Variants in GAPVD1 observed in about 807,000 individuals in gnomAD.
GAPVD1 encodes GTPase-activating protein and VPS9 domain-containing protein 1.
Under a neutral mutation model 155.5 loss-of-function variants are expected in GAPVD1, and 35 were observed. The ratio of observed to expected loss-of-function variants is 0.23; its 90% CI spans 0.17 to 0.30. GAPVD1 has a LOEUF of 0.30. GAPVD1 is among the 10% of genes least tolerant of loss of function. The pLI is 1.00. For synonymous variants in GAPVD1, 636 were observed against 619.7 expected (o/e 1.03, Z -0.39); for missense variants, 1,429 against 1,775.7 (o/e 0.80, Z 3.51).
chr9:125,277,431 G>A (rs1467446757), intron 2 of GAPVD1, among the ~76,000 whole-genome samples: 1 of 151,766 alleles, frequency 6.6e-6, no homozygotes, highest in Admixed American at 6.6e-5. Context: ...TGAAAGGAGT[G>A]GACACAGGGC....
Position 125,281,082 on chromosome 9 carries a change from A to G in GAPVD1, c.-150+12098A>G, listed in dbSNP as rs530322892. ...TTTGTGATCACAGTGAACTGAAAGA[A>G]AAAATATTTTTAGTGTGATAAACAC... On this transcript the variant is annotated intron_variant, in intron 2 of 27. Coordinates refer to ENST00000297933, the MANE Select transcript of GAPVD1 (RefSeq NM_001282680.3). Among the ~76,000 whole-genome samples, 11 of 152,284 alleles carry G rather than the reference A, an allele frequency of 7.2e-5. No homozygotes were observed. In the East Asian group the frequency reaches 1.7e-3, roughly 24 times the overall value.
chr9:125,325,366 C>G (rs1239938453), intron 11 of GAPVD1, among the ~76,000 whole-genome samples: 1 of 150,622 alleles, frequency 6.6e-6, no homozygotes, highest in Non-Finnish European at 1.5e-5. Context: ...ACTAAAAATA[C>G]AAAAAATTAG....
At chr9:125,313,638 T>C (rs1419562162) in intron 9 of GAPVD1, among the ~76,000 whole-genome samples, 2 of 152,086 alleles carry the variant, frequency 1.3e-5, no homozygotes, top group Non-Finnish European at 2.9e-5. Flanking sequence ...AGTGTCACTC[T>C]GTTGCACAGC....
intron 12 of GAPVD1, among the ~76,000 whole-genome samples, chr9:125,329,000 G>T (rs376079888): frequency 6.6e-6 from 1 of 151,594 alleles, no homozygotes. Context: ...GCGCGTGCCT[G>T]CAGTCGCAGG....
chr9:125,358,004 C>CAT (rs1407879233), intron 25 of GAPVD1, among the ~76,000 whole-genome samples: 12 of 151,908 alleles, frequency 7.9e-5, no homozygotes, highest in African/African-American at 2.9e-4. Flanking sequence ...CACACACACA[C>CAT]ACAAAACAAT....
Position 125,360,665 on chromosome 9 carries a change from T to C in GAPVD1, c.4182T>C (p.Asn1394=). 6.2e-7 allele frequency: 1 copy of C among 1,614,080 alleles called. No individual in the cohort carries two copies. Among genetic ancestry groups the C allele is most frequent in the Non-Finnish European group, 8.5e-7 (1 of 1,179,940 alleles). Residue 1394 remains asparagine (N), a synonymous_variant, in exon 27 of 28, where the codon AAT becomes AAC. Transcript: ENST00000297933. Reference sequence around the variant, plus strand: ...TTATGAACCTCCTGAGCCTGGCCAATGAGGACTCTGTCCCTGGAGCGGATG... The same window carrying C: ...TTATGAACCTCCTGAGCCTGGCCAACGAGGACTCTGTCCCTGGAGCGGATG... The part of the protein sequence containing the change: ...STIMNLLSLA[N]EDSVPGADDF...
chr9:125,334,238 A>G (rs1377240711), intron 15 of GAPVD1, among the ~76,000 whole-genome samples: 7 of 151,714 alleles, frequency 4.6e-5, no homozygotes, highest in Non-Finnish European at 1.0e-4. Context: ...AGCAGGATGC[A>G]AGGGCACCAC....
At chr9:125,305,834 T>C (rs1260930826) in intron 6 of GAPVD1, among the ~76,000 whole-genome samples, 2 of 151,954 alleles carry the variant, frequency 1.3e-5, no homozygotes, top group Non-Finnish European at 2.9e-5. Flanking sequence ...TTTTTATTGT[T>C]ATAGAGACGA....
intron 5 of GAPVD1, among the ~76,000 whole-genome samples, 158 bp from the exon 6 acceptor site, chr9:125,304,905 T>C (rs1841529847): frequency 6.6e-6 from 1 of 152,204 alleles, no homozygotes; most frequent in African/African-American, 2.4e-5. Context: ...AAGGTACACA[T>C]TTTTTGGGGG....
chr9:125,306,185 C>A (rs896696082), intron 6 of GAPVD1, among the ~76,000 whole-genome samples: 4 of 151,462 alleles, frequency 2.6e-5, no homozygotes, highest in African/African-American at 4.9e-5. Context: ...CTTCTTGTCA[C>A]AGAGGTTCGC....
chr9:125,281,967 C>T (rs1836859243), intron 2 of GAPVD1, among the ~76,000 whole-genome samples: 2 of 152,018 alleles, frequency 1.3e-5, no homozygotes, highest in Admixed American at 1.3e-4. Context: ...ACAATAGGCA[C>T]CTGCCGCTAC....
At chr9:125,346,585 T>C in intron 19 of GAPVD1, 1 of 556,572 alleles carries the variant, frequency 1.8e-6, no homozygotes, top group Non-Finnish European at 3.3e-6. Context: ...ACTGTCATTC[T>C]GGTGATGATG....
At chr9:125,285,559 A>G (rs1837542435) in intron 2 of GAPVD1, among the ~76,000 whole-genome samples, 1 of 140,640 alleles carries the variant, frequency 7.1e-6, no homozygotes, top group African/African-American at 2.7e-5. Context: ...TTCTGGGTTC[A>G]AGTGGTTCTC....
intron 19 of GAPVD1, chr9:125,345,835 C>T (rs543850525): frequency 6.6e-6 from 1 of 152,220 alleles, no homozygotes; most frequent in South Asian, 2.1e-4. Context: ...AACACACACA[C>T]ACAAAATACG....
intron 9 of GAPVD1, among the ~76,000 whole-genome samples, chr9:125,316,692 A>G (rs1015523629): frequency 3.3e-5 from 5 of 152,342 alleles, no homozygotes; most frequent in East Asian, 1.9e-4. Context: ...TAGTGCTTCA[A>G]TAAACGTATG....
At chr9:125,332,747 C>A in intron 15 of GAPVD1, 118 bp downstream of exon 15, 1 of 803,848 alleles carries the variant, frequency 1.2e-6, no homozygotes, top group Non-Finnish European at 2.0e-6. Context: ...CATACTTTGT[C>A]AGTATCTATT....
At chr9:125,286,317 A>G (rs1837693201) in intron 2 of GAPVD1, among the ~76,000 whole-genome samples, 1 of 151,728 alleles carries the variant, frequency 6.6e-6, no homozygotes, top group Non-Finnish European at 1.5e-5. Context: ...TTTTTTATTT[A>G]TTTTTTGATA....
intron 11 of GAPVD1, among the ~76,000 whole-genome samples, chr9:125,325,001 G>A (rs1817270285): frequency 6.6e-6 from 1 of 151,980 alleles, no homozygotes; most frequent in Admixed American, 6.6e-5. Flanking sequence ...GAGGCAGGTA[G>A]ATCATTTGAG....
Position 125,360,591 on chromosome 9 carries a change from A to C in GAPVD1, c.4108A>C (p.Lys1370Gln). The C allele has an allele frequency of 6.2e-7, 1 of 1,614,044 alleles. No individual in the cohort carries two copies. The highest frequency in any genetic ancestry group is 8.5e-7 in the Non-Finnish European group (1 of 1,179,902). Residue 1370 changes from lysine (K) to glutamine (Q), a missense_variant, in exon 27 of 28, where the codon AAA becomes CAA. This residue lies in a region of GAPVD1 where 102 missense variants were observed against 196.5 expected (regional missense o/e 0.52). Coordinates refer to ENST00000297933, the MANE Select transcript of GAPVD1 (RefSeq NM_001282680.3). Reference sequence around the variant, plus strand: ...AGAAATCAGGACAATAAGTGCTTATAAAACCCCCCGGGACAAAGTGCAGTG... The same window carrying C: ...AGAAATCAGGACAATAAGTGCTTATCAAACCCCCCGGGACAAAGTGCAGTG... ...QSEIRTISAY[K>Q]TPRDKVQCIL... is the part of the protein sequence containing the mutation.
Sources: gnomAD v4.1 joint callset for allele counts (sites outside exome capture counted in the v4.1 genomes callset) on GRCh38, gnomAD v4.1.1 for gene constraint, gnomAD v4.1.1 regional missense constraint, MANE v1.5 for transcripts, NCBI Gene and HGNC (gene_info 2026-07-23, HGNC 2026-07-21) for gene names.